Variants in SCAPER observed in about 807,000 individuals in gnomAD.
SCAPER encodes S-phase cyclin A associated protein in the ER, also known as S phase cyclin A-associated protein in the endoplasmic reticulum.
SCAPER carries 98 observed loss-of-function variants against 182.2 expected under a neutral mutation model. The ratio of observed to expected loss-of-function variants is 0.54; its 90% CI spans 0.46 to 0.64. The LOEUF is 0.64. Among genes scored for constraint, SCAPER ranks in the 30% least tolerant of loss-of-function variants. The probability of loss-of-function intolerance (pLI) is 0.00; values close to 1 mark genes in which losing one functional copy is unlikely to be tolerated. For missense variants in SCAPER, 1,432 were observed against 1,690.0 expected (o/e 0.85, Z 2.68); for synonymous variants, 605 against 564.6 (o/e 1.07, Z -1.01).
chr15:76,418,949 A>G (rs537190892), intron 26 of SCAPER, among the ~76,000 whole-genome samples: 1 of 152,342 alleles, frequency 6.6e-6, no homozygotes. Flanking sequence ...GTAGTGTCTC[A>G]GACCTCTGCA....
chr15:76,459,501 T>G (rs1179268297), intron 25 of SCAPER, among the ~76,000 whole-genome samples: 1 of 151,798 alleles, frequency 6.6e-6, no homozygotes, highest in African/African-American at 2.4e-5. Context: ...ATGTGAAATA[T>G]CTATTCATGT....
In SCAPER at chr15:76,705,991, G is replaced by C. The variant is rs1173060617; in HGVS notation, c.2166-7C>G. On this transcript the variant is annotated splice_polypyrimidine_tract_variant and splice_region_variant and intron_variant, in intron 17 of 31. Coordinates refer to ENST00000563290, the MANE Select transcript of SCAPER (RefSeq NM_020843.4). ...CAATCGTTCTTCCCTGTCTCTGTAA[G>C]AAGACAGTAAAAATTATAAACTCAA... 6.5e-7 allele frequency: 1 copy of C among 1,536,602 alleles called. No homozygotes were observed. The highest frequency in any genetic ancestry group is 8.7e-7 in the Non-Finnish European group (1 of 1,144,264).
At chr15:76,685,189 T>A (rs2057961920) in intron 20 of SCAPER, among the ~76,000 whole-genome samples, 1 of 152,066 alleles carries the variant, frequency 6.6e-6, no homozygotes, top group Non-Finnish European at 1.5e-5. Flanking sequence ...AAAGACTAGT[T>A]ATTACACACC....
intron 25 of SCAPER, among the ~76,000 whole-genome samples, chr15:76,452,000 A>C (rs1324207219): frequency 6.6e-6 from 1 of 151,878 alleles, no homozygotes; most frequent in African/African-American, 2.4e-5. Context: ...TTTCCTCTTC[A>C]TTTTATCTCC....
chr15:76,686,371 C>T lies in SCAPER; in HGVS notation c.2508+15387G>A, dbSNP rs112906522. Among the ~76,000 whole-genome samples the T allele has an allele frequency of 2.0e-3, 298 of 152,114 alleles. 3 individuals are homozygous for T. Among genetic ancestry groups the T allele is most frequent in the African/African-American group, 6.5e-3 (270 of 41,524 alleles). Reference sequence around the variant, plus strand: ...AAGCCTATAATGAAATATCACTTTACACCTACTTGATTGGCAAATGTTAAA... The same window carrying T: ...AAGCCTATAATGAAATATCACTTTATACCTACTTGATTGGCAAATGTTAAA... On this transcript the variant is annotated intron_variant, in intron 20 of 31. Coordinates refer to ENST00000563290, the MANE Select transcript of SCAPER (RefSeq NM_020843.4).
chr15:76,613,621 A>G (rs1288768120), intron 22 of SCAPER, among the ~76,000 whole-genome samples: 2 of 152,268 alleles, frequency 1.3e-5, no homozygotes, highest in Non-Finnish European at 2.9e-5. Flanking sequence ...ACTTTTCTAA[A>G]GAAGATACAC....
chr15:76,710,544 TA>T (rs2059506636), intron 17 of SCAPER, among the ~76,000 whole-genome samples: 1 of 152,124 alleles, frequency 6.6e-6, no homozygotes, highest in Non-Finnish European at 1.5e-5. Flanking sequence ...ACAGCAGCTT[TA>T]AAGAGTACTT....
chr15:76,779,964 C>T (rs1395312813), intron 8 of SCAPER, among the ~76,000 whole-genome samples: 3 of 152,320 alleles, frequency 2.0e-5, no homozygotes, highest in East Asian at 1.9e-4. Context: ...CCAGCGTGAT[C>T]GACGCAGAAG....
intron 22 of SCAPER, among the ~76,000 whole-genome samples, chr15:76,613,325 GACA>G (rs2051165300): frequency 6.6e-6 from 1 of 152,132 alleles, no homozygotes; most frequent in African/African-American, 2.4e-5. Context: ...AACCCTAGAA[GACA>G]ACCTAGGCAA....
intron 22 of SCAPER, among the ~76,000 whole-genome samples, chr15:76,606,460 T>C (rs2050409646): frequency 6.6e-6 from 1 of 152,098 alleles, no homozygotes; most frequent in Non-Finnish European, 1.5e-5. Flanking sequence ...TTGGGGTAGG[T>C]GTGGTGTGGT....
At chr15:76,752,837 C>T (rs890075417) in intron 15 of SCAPER, among the ~76,000 whole-genome samples, 4 of 151,520 alleles carry the variant, frequency 2.6e-5, no homozygotes, top group Non-Finnish European at 5.9e-5. Flanking sequence ...ATTAAAACCA[C>T]TGAATTGTAT....
chr15:76,850,103 A>G (rs2070576844), intron 4 of SCAPER, among the ~76,000 whole-genome samples: 1 of 152,220 alleles, frequency 6.6e-6, no homozygotes. Flanking sequence ...TTGGGTGGGG[A>G]CACAGAGCCA....
intron 25 of SCAPER, among the ~76,000 whole-genome samples, chr15:76,469,050 T>C (rs2049918137): frequency 6.6e-6 from 1 of 152,170 alleles, no homozygotes; most frequent in East Asian, 1.9e-4. Flanking sequence ...CTATGGTATT[T>C]TGTAATTGCA....
chr15:76,640,879 T>C (rs1030876582), intron 21 of SCAPER, among the ~76,000 whole-genome samples: 1 of 152,182 alleles, frequency 6.6e-6, no homozygotes, highest in Non-Finnish European at 1.5e-5. Flanking sequence ...AGAGAGCCTA[T>C]GAATGGACGT....
rs1411019229 is a variant in SCAPER, at chr15:76,416,625, A to C, written c.3312-11946T>G. ...ACTCTTTGTGTAGGTCAATCTGGCA[A>C]TATGGATCAAAATTCTTAAGGTATA... On this transcript the variant is annotated intron_variant, in intron 26 of 31. Transcript: ENST00000563290. Among the ~76,000 whole-genome samples the C allele has an allele frequency of 2.6e-5, 4 of 152,240 alleles. No individual in the cohort carries two copies. The South Asian group carries it at 8.3e-4, about 31-fold the overall frequency.
At chr15:76,427,808 C>A (rs1329833089) in intron 26 of SCAPER, among the ~76,000 whole-genome samples, 2 of 152,042 alleles carry the variant, frequency 1.3e-5, no homozygotes, top group African/African-American at 2.4e-5. Context: ...TACCAAGTGC[C>A]TGTAATCCCA....
At chr15:76,597,079 TCTC>T (rs1192118214) in intron 22 of SCAPER, among the ~76,000 whole-genome samples, 1 of 121,558 alleles carries the variant, frequency 8.2e-6, no homozygotes, top group Non-Finnish European at 2.0e-5. Context: ...AAGCCCCAAA[TCTC>T]CTTAAGCTGA....
chr15:76,703,032 C>A, intron 18 of SCAPER, 30 bp from the exon 19 acceptor site: 1 of 1,506,788 alleles, frequency 6.6e-7, no homozygotes, highest in East Asian at 2.5e-5. Flanking sequence ...GCAAGAATTT[C>A]AAAAATTATT....
chr15:76,381,401 C>A lies in SCAPER; in HGVS notation c.3682G>T (p.Ala1228Ser). The change falls in exon 28 of 32, where the codon GCT (alanine) becomes TCT (serine). Residue 1228 changes from alanine (A) to serine (S), a missense_variant. Transcript: ENST00000563290. ...ACCTGAAAAGCAGGCAGATGAAGAGCTGCAAAGCTGTTGAAGAAACGTAAA... is the reference window on the plus strand; with the variant it reads ...ACCTGAAAAGCAGGCAGATGAAGAGATGCAAAGCTGTTGAAGAAACGTAAA... ...QSLRFFNSFAALHLPAFQSIV... is the reference protein window; with the variant it reads ...QSLRFFNSFASLHLPAFQSIV... 1 of 1,613,552 alleles carries A rather than the reference C, an allele frequency of 6.2e-7. No homozygotes were observed. Among genetic ancestry groups the A allele is most frequent in the Non-Finnish European group, 8.5e-7 (1 of 1,179,746 alleles).
Sources: allele counts gnomAD v4.1 joint callset (sites outside exome capture counted in the v4.1 genomes callset), GRCh38; gene constraint gnomAD v4.1.1; transcripts MANE v1.5; gene names NCBI Gene and HGNC (gene_info 2026-07-23, HGNC 2026-07-21).